Variants in SENP7 observed in about 807,000 individuals in gnomAD.
SENP7 encodes sentrin-specific protease 7.
Under a neutral mutation model 141.2 loss-of-function variants are expected in SENP7, and 64 were observed. The observed-to-expected ratio is 0.45, with a 90% CI of 0.37 to 0.56. SENP7 has a LOEUF of 0.56. Ranked by LOEUF, SENP7 falls within the 20% of genes least tolerant of loss-of-function variation. The pLI, the probability that SENP7 is intolerant of heterozygous loss-of-function variation, is 0.00. For synonymous variants in SENP7, 382 were observed against 426.4 expected (o/e 0.90, Z 1.28); for missense variants, 1,025 against 1,212.2 (o/e 0.85, Z 2.29).
At position 101,493,727 on chromosome 3, in the gene SENP7, C is replaced by A. The variant is rs2065050628; in HGVS notation, c.186+146G>T. On this transcript the variant is annotated intron_variant, in intron 3 of 23. Transcript: ENST00000394095. ...AACCTCAAAGTATCATTTCAACATG[C>A]CAAAAATGAACTAAAATCTGCAATT... 6.2e-6 allele frequency: 3 copies of A among 484,354 alleles called. No individual in the cohort carries two copies. The South Asian group carries it at 1.2e-4, about 19-fold the overall frequency. The allele number at this position is 484,354 out of a possible 1,614,324, so 30.0% of individuals were successfully genotyped here.
chr3:101,488,627 AGCTCAGAAGTTCGAGACCAGCCTGG>A (rs1390487475), intron 3 of SENP7, among the ~76,000 whole-genome samples: 1 of 152,188 alleles, frequency 6.6e-6, no homozygotes, highest in Non-Finnish European at 1.5e-5. Flanking sequence ...GGATTGCCTG[AGCTCAGAAGTTCGAGACCAGCCTGG>A]GCAACACAGT....
At chr3:101,487,672 T>C (rs1253270887) in intron 3 of SENP7, among the ~76,000 whole-genome samples, 14 of 152,238 alleles carry the variant, frequency 9.2e-5, no homozygotes, top group Non-Finnish European at 2.1e-4. Context: ...TTCATTCTGT[T>C]GCATATGGCT....
At chr3:101,350,908 TATC>T (rs2059596203) in intron 12 of SENP7, among the ~76,000 whole-genome samples, 1 of 152,020 alleles carries the variant, frequency 6.6e-6, no homozygotes, top group Non-Finnish European at 1.5e-5. Flanking sequence ...TTAGAACAAT[TATC>T]ATAACATAGT....
At chr3:101,483,689 G>A (rs1173036187) in intron 3 of SENP7, among the ~76,000 whole-genome samples, 1 of 152,144 alleles carries the variant, frequency 6.6e-6, no homozygotes, top group Non-Finnish European at 1.5e-5. Flanking sequence ...ACATGCAAAA[G>A]AATGATCTGG....
chr3:101,336,065 C>T (rs532879817), intron 17 of SENP7, among the ~76,000 whole-genome samples: 1 of 152,134 alleles, frequency 6.6e-6, no homozygotes, highest in South Asian at 2.1e-4. Context: ...CAATTTAGAC[C>T]ATTAATTATA....
chr3:101,396,610 G>A (rs897854390), intron 6 of SENP7, among the ~76,000 whole-genome samples: 1 of 152,032 alleles, frequency 6.6e-6, no homozygotes, highest in Non-Finnish European at 1.5e-5. Flanking sequence ...GAGGTACATA[G>A]GGCATTCAAA....
intron 4 of SENP7, among the ~76,000 whole-genome samples, chr3:101,418,683 CAAA>C (rs11401206): frequency 6.8e-6 from 1 of 145,986 alleles, no homozygotes; most frequent in African/African-American, 2.5e-5. Context: ...CGGGAACTCT[CAAA>C]AAAAAAAACC....
intron 14 of SENP7, among the ~76,000 whole-genome samples, chr3:101,341,986 A>T (rs1297275504): frequency 6.6e-6 from 1 of 152,248 alleles, no homozygotes; most frequent in Non-Finnish European, 1.5e-5. Context: ...GATTAACTTG[A>T]AGTACTATTT....
rs55855998 is a variant in SENP7, at chr3:101,499,535, A to ATTTTTTTTTTTTTTTTTTTTTTT, written c.90+1534_90+1535insAAAAAAAAAAAAAAAAAAAAAAA. ...AGGCACCTGCCATCATGCCCAGCTA[A>ATTTTTTTTTTTTTTTTTTTTTTT]TTTTTTTTTTTTTTCTTGGAGACAG... On this transcript the variant is annotated intron_variant, in intron 2 of 23. Coordinates refer to ENST00000394095, the MANE Select transcript of SENP7 (RefSeq NM_020654.5). 7.1e-3 allele frequency among the ~76,000 whole-genome samples: 979 copies of ATTTTTTTTTTTTTTTTTTTTTTT among 138,466 alleles called. 22 individuals are homozygous for ATTTTTTTTTTTTTTTTTTTTTTT. The highest frequency in any genetic ancestry group is 0.012 in the Middle Eastern group (3 of 260). The allele number at this position is 138,466 out of a possible 152,430, so 90.8% of individuals were successfully genotyped here.
intron 4 of SENP7, among the ~76,000 whole-genome samples, chr3:101,434,847 A>T (rs1039640667): frequency 1.3e-5 from 2 of 152,162 alleles, no homozygotes; most frequent in Admixed American, 6.5e-5. Flanking sequence ...ACATTTAAAT[A>T]AGAACAAATG....
At chr3:101,458,559 C>T (rs2063435665) in intron 4 of SENP7, 2 of 159,848 alleles carry the variant, frequency 1.3e-5, no homozygotes, top group Non-Finnish European at 2.8e-5. Flanking sequence ...GTGTTTACAA[C>T]CAGTTGATTA....
chr3:101,352,739 G>A lies in SENP7; in HGVS notation c.1624-1088C>T, dbSNP rs58789838. ...CGGGTATGGTCTGTGAGCACAAAAC[G>A]AAATCAAAATGTTCTTGGTATGTGA... On this transcript the variant is annotated intron_variant, in intron 11 of 23. Transcript: ENST00000394095. 5.3e-5 allele frequency among the ~76,000 whole-genome samples: 8 copies of A among 152,040 alleles called. No individual in the cohort carries two copies. In the South Asian group the frequency reaches 1.2e-3, roughly 24 times the overall value.
chr3:101,332,858 C>A lies in SENP7; in HGVS notation c.2485G>T (p.Ala829Ser). 6.3e-7 allele frequency: 1 copy of A among 1,575,932 alleles called. No homozygotes were observed. Among genetic ancestry groups the A allele is most frequent in the Middle Eastern group, 1.7e-4 (1 of 5,774 alleles). ...LTEDNPNLSM[A>S]QRRHKRVRTW... Reference sequence around the variant, plus strand: ...CTTACTCTTTTATGTCTTCTCTGTGCCATTCTGAGAGTATGAAAGACAGAT... The same window carrying A: ...CTTACTCTTTTATGTCTTCTCTGTGACATTCTGAGAGTATGAAAGACAGAT... The change falls in exon 18 of 24, where the codon GCA (alanine) becomes TCA (serine). Residue 829 changes from alanine (A) to serine (S), a missense_variant. Transcript: ENST00000394095.
chr3:101,405,764 A>G (rs781647509), intron 5 of SENP7, among the ~76,000 whole-genome samples: 6 of 152,220 alleles, frequency 3.9e-5, no homozygotes, highest in Non-Finnish European at 8.8e-5. Context: ...CTTTGGACAC[A>G]CTTATAGAAA....
chr3:101,395,817 G>C (rs1160576689), intron 6 of SENP7, among the ~76,000 whole-genome samples: 1 of 152,212 alleles, frequency 6.6e-6, no homozygotes, highest in East Asian at 1.9e-4. Context: ...CATTGTAGAA[G>C]ATTTCAGTAA....
At chr3:101,383,275 C>G (rs1045948602) in intron 6 of SENP7, among the ~76,000 whole-genome samples, 2 of 152,146 alleles carry the variant, frequency 1.3e-5, no homozygotes, top group East Asian at 3.9e-4. Context: ...GCCTGCTCCC[C>G]CTTTGCTTTC....
intron 5 of SENP7, among the ~76,000 whole-genome samples, chr3:101,402,526 G>A (rs1468000372): frequency 5.0e-5 from 5 of 100,246 alleles, no homozygotes; most frequent in Non-Finnish European, 4.3e-5. Flanking sequence ...AGAGGCTGAG[G>A]CAGGAGAATC....
chr3:101,469,364 G>A (rs1351453609), intron 3 of SENP7, among the ~76,000 whole-genome samples: 4 of 152,004 alleles, frequency 2.6e-5, no homozygotes, highest in Non-Finnish European at 4.4e-5. Flanking sequence ...GGTTAATAAG[G>A]ATATCCAGGA....
chr3:101,378,210 A>G (rs546900851), intron 6 of SENP7, among the ~76,000 whole-genome samples: 12 of 152,210 alleles, frequency 7.9e-5, no homozygotes, highest in Middle Eastern at 3.4e-3. Flanking sequence ...AAGAAAAAAA[A>G]CCACAGTTTG....
Sources: gnomAD v4.1 joint callset for allele counts (sites outside exome capture counted in the v4.1 genomes callset) on GRCh38, gnomAD v4.1.1 for gene constraint, MANE v1.5 for transcripts, NCBI Gene and HGNC (gene_info 2026-07-23, HGNC 2026-07-21) for gene names.